USH2A: variants seen among roughly 807,000 people sequenced by gnomAD.
The protein encoded by USH2A is Usher syndrome 2A (autosomal recessive, mild).
In USH2A, 443 loss-of-function variants were observed where a neutral mutation model predicts 538.9. The ratio of observed to expected loss-of-function variants is 0.82; its 90% CI spans 0.76 to 0.89. The LOEUF is 0.89. Among genes scored for constraint, USH2A ranks in the 40% least tolerant of loss-of-function variants. USH2A has a pLI of 0.00. For missense variants in USH2A, 6,633 were observed against 6,324.8 expected (o/e 1.05, Z -1.65); for synonymous variants, 2,413 against 2,273.5 (o/e 1.06, Z -1.75).
chr1:216,009,327 C>A (rs1201020652), intron 32 of USH2A, among the ~76,000 whole-genome samples: 1 of 152,138 alleles, frequency 6.6e-6, no homozygotes, highest in African/African-American at 2.4e-5. Flanking sequence ...ACCTCTTCAA[C>A]TCTCACTTGA....
chr1:216,373,614 A>G (rs1343123197), intron 3 of USH2A, among the ~76,000 whole-genome samples: 1 of 152,196 alleles, frequency 6.6e-6, no homozygotes, highest in East Asian at 1.9e-4. Context: ...ACAAAAAGAC[A>G]TTCTTTTACA....
intron 32 of USH2A, among the ~76,000 whole-genome samples, chr1:216,010,762 C>CT (rs559221716): frequency 9.1e-4 from 138 of 151,846 alleles, no homozygotes; most frequent in Middle Eastern, 6.8e-3. Flanking sequence ...CCTTATTAGG[C>CT]TGAGACACTT....
At chr1:215,946,532 A>G (rs946193563) in intron 37 of USH2A, among the ~76,000 whole-genome samples, 3 of 152,244 alleles carry the variant, frequency 2.0e-5, no homozygotes, top group Non-Finnish European at 2.9e-5. Context: ...AGCTGATTCA[A>G]TAAGAAAAAT....
At chr1:215,992,597 G>T (rs951968058) in intron 35 of USH2A, among the ~76,000 whole-genome samples, 1 of 152,120 alleles carries the variant, frequency 6.6e-6, no homozygotes, top group African/African-American at 2.4e-5. Context: ...CCTCTTTTAA[G>T]ATAAACTTAT....
chr1:216,262,627 C>G (rs531052346), intron 11 of USH2A, among the ~76,000 whole-genome samples: 1 of 152,052 alleles, frequency 6.6e-6, no homozygotes, highest in South Asian at 2.1e-4. Flanking sequence ...CTTAGAAAGA[C>G]AAGATGACAA....
intron 9 of USH2A, among the ~76,000 whole-genome samples, chr1:216,312,183 TC>T (rs2037433763): frequency 6.6e-6 from 1 of 152,006 alleles, no homozygotes; most frequent in Non-Finnish European, 1.5e-5. Context: ...TTTTTTTTTT[TC>T]TGTCAACACC....
intron 32 of USH2A, among the ~76,000 whole-genome samples, chr1:216,024,609 A>G (rs1668919896): frequency 6.6e-6 from 1 of 152,022 alleles, no homozygotes. Context: ...AATTTTTATA[A>G]AAGGAAACAT....
chr1:216,129,267 C>A (rs748655400), intron 21 of USH2A, among the ~76,000 whole-genome samples: 3 of 151,936 alleles, frequency 2.0e-5, no homozygotes, highest in Non-Finnish European at 4.4e-5. Context: ...GATAAATACC[C>A]AGCAGTGGGA....
chr1:215,640,147 G>A (rs1656627298), intron 68 of USH2A, among the ~76,000 whole-genome samples: 1 of 152,170 alleles, frequency 6.6e-6, no homozygotes, highest in Non-Finnish European at 1.5e-5. Flanking sequence ...TCATGAGTTG[G>A]AGATAGTTAT....
intron 71 of USH2A, among the ~76,000 whole-genome samples, chr1:215,628,479 C>T (rs549138243): frequency 2.6e-5 from 4 of 152,250 alleles, no homozygotes; most frequent in African/African-American, 9.6e-5. Context: ...GACAGGGTTT[C>T]ACCATGTTGG....
At chr1:216,053,023 C>T (rs554206302) in intron 30 of USH2A, among the ~76,000 whole-genome samples, 40 of 152,244 alleles carry the variant, frequency 2.6e-4, no homozygotes, top group African/African-American at 7.7e-4. Context: ...TCAATGTTTC[C>T]GCTATATGCG....
At chr1:216,163,228 T>C (rs1376949442) in intron 21 of USH2A, among the ~76,000 whole-genome samples, 1 of 151,992 alleles carries the variant, frequency 6.6e-6, no homozygotes, top group African/African-American at 2.4e-5. Context: ...TGGTATTTTA[T>C]CTACTGAGTT....
At chr1:216,148,426 C>T (rs1225628294) in intron 21 of USH2A, among the ~76,000 whole-genome samples, 10 of 152,048 alleles carry the variant, frequency 6.6e-5, no homozygotes, top group Non-Finnish European at 1.2e-4. Flanking sequence ...TTCTATCCCC[C>T]CACCTTAACT....
chr1:215,688,272 G>T (rs1333496246), intron 61 of USH2A, among the ~76,000 whole-genome samples: 1 of 152,070 alleles, frequency 6.6e-6, no homozygotes, highest in Non-Finnish European at 1.5e-5. Context: ...GTGCGACCAA[G>T]CTGGGTGATG....
intron 49 of USH2A, among the ~76,000 whole-genome samples, chr1:215,805,027 C>T (rs570236922): frequency 7.9e-5 from 12 of 151,884 alleles, no homozygotes; most frequent in Non-Finnish European, 1.5e-4. Context: ...GGCAAACTAT[C>T]GCAAGGACAA....
In USH2A at chr1:216,198,462, C is replaced by A. The variant is rs371655680; in HGVS notation, c.3934G>T (p.Ala1312Ser). The A allele has an allele frequency of 6.2e-7, 1 of 1,613,960 alleles. No individual in the cohort carries two copies. The highest frequency in any genetic ancestry group is 8.5e-7 in the Non-Finnish European group (1 of 1,179,964). The change falls in exon 18 of 72, where the codon GCC becomes TCC. Residue 1312 changes from alanine (A) to serine (S), a missense_variant. Physicochemically the swap from Ala to Ser is moderately conservative, Grantham distance 99. Transcript: ENST00000307340. Reference sequence around the variant, plus strand: ...GGAGGTTTTAATGCATTTTCATTGGCCGATTCTACAAATGAATGAGGACTG... The same window carrying A: ...GGAGGTTTTAATGCATTTTCATTGGACGATTCTACAAATGAATGAGGACTG... The part of the protein sequence containing the change: ...WLSPHSFVES[A>S]NENALKPPQT...
intron 4 of USH2A, among the ~76,000 whole-genome samples, chr1:216,331,105 C>T (rs1039072205): frequency 3.3e-5 from 5 of 151,220 alleles, no homozygotes; most frequent in Admixed American, 6.6e-5. Context: ...AAAAGAGTTA[C>T]AGCAAGTTTT....
At chr1:216,338,207 T>C (rs2038010628) in intron 4 of USH2A, among the ~76,000 whole-genome samples, 1 of 151,436 alleles carries the variant, frequency 6.6e-6, no homozygotes, top group Admixed American at 6.6e-5. Flanking sequence ...AGAAGGCTGG[T>C]AAGAAGGAAT....
At position 215,634,709 on chromosome 1, in the gene USH2A, A is replaced by G. The variant is rs778356580; in HGVS notation, c.15053-6T>C. Reference sequence around the variant, plus strand: ...AGGAGTTGTTAGGACCAAGCCTGCAAAACCCAGAGAAAGAAAGGGGAAATG... The same window carrying G: ...AGGAGTTGTTAGGACCAAGCCTGCAGAACCCAGAGAAAGAAAGGGGAAATG... On this transcript the variant is annotated splice_region_variant and splice_polypyrimidine_tract_variant and intron_variant, in intron 69 of 71. Coordinates refer to ENST00000307340, the MANE Select transcript of USH2A (RefSeq NM_206933.4). The G allele has an allele frequency of 1.5e-4, 243 of 1,614,246 alleles. No individual in the cohort carries two copies. The highest frequency in any genetic ancestry group is 2.0e-4 in the Non-Finnish European group (231 of 1,180,048).
Sources: allele counts gnomAD v4.1 joint callset (sites outside exome capture counted in the v4.1 genomes callset), GRCh38; gene constraint gnomAD v4.1.1; transcripts MANE v1.5; gene names NCBI Gene and HGNC (gene_info 2026-07-23, HGNC 2026-07-21).